Variants in KIF16B observed in about 807,000 individuals in gnomAD.
KIF16B encodes the protein kinesin family member 16B.
In KIF16B, 98 loss-of-function variants were observed where a neutral mutation model predicts 156.3. That is an observed-to-expected ratio of 0.63 (90% CI 0.53 to 0.74). The LOEUF is 0.74. Ranked by LOEUF, KIF16B falls within the 30% of genes least tolerant of loss-of-function variation. The probability of loss-of-function intolerance (pLI) is 0.00; values close to 1 mark genes in which losing one functional copy is unlikely to be tolerated. For missense variants in KIF16B, 1,421 were observed against 1,606.5 expected (o/e 0.88, Z 1.97); for synonymous variants, 564 against 583.7 (o/e 0.97, Z 0.49).
chr20:16,364,325 C>T (rs2064612313), intron 22 of KIF16B, among the ~76,000 whole-genome samples: 3 of 152,192 alleles, frequency 2.0e-5, no homozygotes, highest in Admixed American at 1.3e-4. Flanking sequence ...GAGCTATTGT[C>T]TAGAATGTAT....
intron 1 of KIF16B, among the ~76,000 whole-genome samples, chr20:16,559,070 T>C (rs1349656057): frequency 6.6e-6 from 1 of 152,048 alleles, no homozygotes; most frequent in East Asian, 1.9e-4. Context: ...CAGGTCTGCC[T>C]GGTCCCTATA....
At chr20:16,523,047 G>A (rs2069408917) in intron 3 of KIF16B, among the ~76,000 whole-genome samples, 1 of 152,108 alleles carries the variant, frequency 6.6e-6, no homozygotes, top group Non-Finnish European at 1.5e-5. Context: ...AATAATAACA[G>A]CTATTTATGA....
At chr20:16,331,817 A>C (rs565096630) in intron 24 of KIF16B, among the ~76,000 whole-genome samples, 1 of 152,172 alleles carries the variant, frequency 6.6e-6, no homozygotes, top group South Asian at 2.1e-4. Context: ...TGTCAGGCCA[A>C]ATAGTCCACT....
intron 25 of KIF16B, among the ~76,000 whole-genome samples, chr20:16,300,145 A>C (rs1444996301): frequency 1.3e-5 from 2 of 152,172 alleles, no homozygotes; most frequent in African/African-American, 4.8e-5. Flanking sequence ...TTAACACGGA[A>C]AGGGAATCCC....
intron 24 of KIF16B, among the ~76,000 whole-genome samples, chr20:16,326,609 C>T (rs934558496): frequency 2.6e-5 from 4 of 151,772 alleles, no homozygotes; most frequent in Admixed American, 2.6e-4. Flanking sequence ...GCAAATCAAA[C>T]CCACAATGCG....
chr20:16,324,365 C>A (rs920545424), intron 24 of KIF16B, among the ~76,000 whole-genome samples: 3 of 151,922 alleles, frequency 2.0e-5, no homozygotes, highest in African/African-American at 7.2e-5. Context: ...TGCCCCATGT[C>A]CTAAATCTTG....
intron 12 of KIF16B, among the ~76,000 whole-genome samples, chr20:16,492,683 T>G (rs547756938): frequency 1.2e-4 from 18 of 152,066 alleles, no homozygotes; most frequent in African/African-American, 4.3e-4. Flanking sequence ...AAAGCCCTAC[T>G]ACATTGACAT....
intron 20 of KIF16B, among the ~76,000 whole-genome samples, chr20:16,373,847 C>T (rs2064879467): frequency 6.6e-6 from 1 of 152,180 alleles, no homozygotes; most frequent in African/African-American, 2.4e-5. Flanking sequence ...GCTGGACCTC[C>T]CTATTAGTGG....
rs141372707 is a variant in KIF16B at position 16,346,842 on chromosome 20, A to G, written c.3621+9488T>C. 5.9e-5 allele frequency among the ~76,000 whole-genome samples: 9 copies of G among 152,330 alleles called. No individual in the cohort carries two copies. In the East Asian group the frequency reaches 1.7e-3, roughly 29 times the overall value. On this transcript the variant is annotated intron_variant, in intron 23 of 25. Coordinates refer to ENST00000354981, the MANE Select transcript of KIF16B (RefSeq NM_024704.5). ...GGTATACGGGGACTTATTCTACTTT[A>G]ACACGGTGGGAAATTGCGAGAATGA...
In KIF16B at chr20:16,336,847, C is replaced by G. The variant is rs187177375; in HGVS notation, c.3622-832G>C. On this transcript the variant is annotated intron_variant, in intron 23 of 25. Transcript: ENST00000354981. The stretch of plus-strand genomic sequence containing the variant: ...TGCTCCTTTTGCCTTCTAAACATTT[C>G]TTAGAACTTTATCCTTCCATCCTTT... Among the ~76,000 whole-genome samples the G allele has an allele frequency of 2.2e-3, 340 of 152,314 alleles. 9 individuals carry two copies. Among genetic ancestry groups the G allele is most frequent in the Admixed American group, 0.019 (298 of 15,296 alleles).
At chr20:16,276,848 G>A (rs187948890) in intron 25 of KIF16B, among the ~76,000 whole-genome samples, 4 of 152,342 alleles carry the variant, frequency 2.6e-5, no homozygotes, top group Admixed American at 2.6e-4. Flanking sequence ...AGGAAACCTT[G>A]CTGATTTTAA....
chr20:16,452,573 C>T (rs2067109989), intron 12 of KIF16B, among the ~76,000 whole-genome samples: 1 of 151,998 alleles, frequency 6.6e-6, no homozygotes, highest in African/African-American at 2.4e-5. Context: ...CAGTGGCTCA[C>T]GCCTGTAATC....
chr20:16,491,739 C>T (rs1357755320), intron 12 of KIF16B, among the ~76,000 whole-genome samples: 10 of 152,164 alleles, frequency 6.6e-5, no homozygotes, highest in Admixed American at 6.5e-4. Context: ...ACCATGTTGC[C>T]ACCAGCTCTG....
intron 1 of KIF16B, among the ~76,000 whole-genome samples, chr20:16,536,370 T>C (rs899143815): frequency 2.0e-5 from 3 of 151,882 alleles, no homozygotes; most frequent in Non-Finnish European, 2.9e-5. Context: ...TGAAGAGAAG[T>C]AGGTTAATGG....
intron 25 of KIF16B, among the ~76,000 whole-genome samples, chr20:16,274,406 A>C (rs539052945): frequency 6.6e-6 from 1 of 152,326 alleles, no homozygotes; most frequent in Admixed American, 6.5e-5. Context: ...GGATAAAATC[A>C]GATGTGGGAG....
intron 12 of KIF16B, among the ~76,000 whole-genome samples, chr20:16,482,779 A>G (rs2068016008): frequency 6.6e-6 from 1 of 152,170 alleles, no homozygotes; most frequent in Non-Finnish European, 1.5e-5. Context: ...TGCCTTGAAT[A>G]TATATGACAC....
chr20:16,426,309 A>G (rs2066350705), intron 15 of KIF16B, among the ~76,000 whole-genome samples: 1 of 152,144 alleles, frequency 6.6e-6, no homozygotes, highest in African/African-American at 2.4e-5. Flanking sequence ...TGAATCCTAC[A>G]CTTATGTAGA....
At chr20:16,518,694 T>A (rs1383085450) in intron 3 of KIF16B, among the ~76,000 whole-genome samples, 1 of 152,220 alleles carries the variant, frequency 6.6e-6, no homozygotes, top group African/African-American at 2.4e-5. Context: ...CATTGATTTT[T>A]TTTCTAATTC....
chr20:16,410,471 A>AAT (rs1312683997), intron 15 of KIF16B, among the ~76,000 whole-genome samples: 1 of 151,940 alleles, frequency 6.6e-6, no homozygotes, highest in Non-Finnish European at 1.5e-5. Flanking sequence ...AGAATACTGG[A>AAT]ATATATATAA....
Sources: allele counts gnomAD v4.1 joint callset (sites outside exome capture counted in the v4.1 genomes callset), GRCh38; gene constraint gnomAD v4.1.1; transcripts MANE v1.5; gene names NCBI Gene and HGNC (gene_info 2026-07-23, HGNC 2026-07-21).